TULP4: variants seen among roughly 807,000 people sequenced by gnomAD.
The protein encoded by TULP4 is TUB like protein 4, also known as tubby-related protein 4.
A neutral mutation model predicts 129.0 loss-of-function variants in TULP4; 16 were observed. That is an observed-to-expected ratio of 0.12 (90% confidence interval 0.08 to 0.19). The LOEUF (loss-of-function observed/expected upper bound fraction) is 0.19. TULP4 is among the 10% of genes least tolerant of loss of function. TULP4 has a pLI of 1.00. For missense variants in TULP4, 1,842 were observed against 2,059.1 expected (o/e 0.89, Z 2.04); for synonymous variants, 998 against 854.0 (o/e 1.17, Z -2.94).
chr6:158,233,632 A>G (rs2128439695), intron 1 of TULP4, among the ~76,000 whole-genome samples: 1 of 152,340 alleles, frequency 6.6e-6, no homozygotes. Flanking sequence ...GCCACACTGC[A>G]ATCCAGAGAG....
At chr6:158,350,661 G>A (rs2114797854) in intron 1 of TULP4, among the ~76,000 whole-genome samples, 1 of 152,332 alleles carries the variant, frequency 6.6e-6, no homozygotes, top group Admixed American at 6.5e-5. Context: ...AGGCAGGGAG[G>A]TTGCAGCGAG....
Position 158,423,125 on chromosome 6 carries a change from G to C in TULP4, c.382-6611G>C, listed in dbSNP as rs905416622. Among the ~76,000 whole-genome samples the C allele has an allele frequency of 1.5e-4, 15 of 102,936 alleles. 2 individuals are homozygous for C. Among genetic ancestry groups the C allele is most frequent in the South Asian group, 5.9e-4 (2 of 3,416 alleles). 67.5% of individuals were successfully genotyped at this position (102,936 alleles called of 152,430 possible). The stretch of plus-strand genomic sequence containing the variant: ...GACCCCTTCCTCCACAAAAAAGAGG[G>C]GGGGGGGGGGAAAGAAACCTTCCCA... On this transcript the variant is annotated intron_variant, in intron 2 of 13. Transcript: ENST00000367097.
At chr6:158,293,176 CATATAAAGTAAATAGGGA>C (rs1778974222) in intron 1 of TULP4, among the ~76,000 whole-genome samples, 1 of 152,158 alleles carries the variant, frequency 6.6e-6, no homozygotes, top group Non-Finnish European at 1.5e-5. Context: ...TGAAATCAGC[CATATAAAGTAAATAGGGA>C]GTAGCTTTCC....
chr6:158,232,784 C>T (rs1777622468), intron 1 of TULP4, among the ~76,000 whole-genome samples: 1 of 152,182 alleles, frequency 6.6e-6, no homozygotes, highest in Non-Finnish European at 1.5e-5. Flanking sequence ...GCCGCGCCGC[C>T]ACCTCCCCTG....
rs143881880 is a variant in TULP4 at position 158,459,221 on chromosome 6, G to A, written c.860-2342G>A. On this transcript the variant is annotated intron_variant, in intron 5 of 13. Transcript: ENST00000367097. ...CGAGGCGGGTGGATCACATGAGGTCGGGAAGTTGAGACCAGCCTGACCAAC... is the reference window on the plus strand; with the variant it reads ...CGAGGCGGGTGGATCACATGAGGTCAGGAAGTTGAGACCAGCCTGACCAAC... 1.1e-4 allele frequency among the ~76,000 whole-genome samples: 16 copies of A among 152,210 alleles called. No individual in the cohort carries two copies. The East Asian group carries it at 2.5e-3, about 24-fold the overall frequency.
intron 1 of TULP4, among the ~76,000 whole-genome samples, chr6:158,370,480 A>AT (rs1777047709): frequency 6.7e-6 from 1 of 150,080 alleles, no homozygotes; most frequent in Non-Finnish European, 1.5e-5. Flanking sequence ...AAAAAAAAAA[A>AT]AAAGATTGTG....
chr6:158,481,394 CTG>C (rs1331543160), intron 8 of TULP4, 105 bp downstream of exon 8: 1 of 1,028,392 alleles, frequency 9.7e-7, no homozygotes, highest in Non-Finnish European at 1.5e-6. Flanking sequence ...AAACGTGAGC[CTG>C]TGGGGGCTAG....
At chr6:158,341,691 G>C (rs992205525) in intron 1 of TULP4, among the ~76,000 whole-genome samples, 17 of 151,924 alleles carry the variant, frequency 1.1e-4, no homozygotes, top group African/African-American at 4.1e-4. Flanking sequence ...TCATATACCT[G>C]ATGGCCATTT....
chr6:158,426,028 T>C (rs1230673435), intron 2 of TULP4, among the ~76,000 whole-genome samples: 1 of 152,266 alleles, frequency 6.6e-6, no homozygotes, highest in Non-Finnish European at 1.5e-5. Flanking sequence ...GTATGACTTC[T>C]TTTGAAAAGT....
At chr6:158,297,428 C>T (rs1474088784) in intron 1 of TULP4, among the ~76,000 whole-genome samples, 2 of 152,162 alleles carry the variant, frequency 1.3e-5, no homozygotes, top group South Asian at 2.1e-4. Context: ...GCAATCATCA[C>T]AGGGTCCCGA....
At chr6:158,389,311 C>T (rs549691793) in intron 1 of TULP4, among the ~76,000 whole-genome samples, 1 of 152,088 alleles carries the variant, frequency 6.6e-6, no homozygotes, top group Non-Finnish European at 1.5e-5. Flanking sequence ...ATTAGCCAGG[C>T]ATGGTGGTAT....
In TULP4 at chr6:158,501,954, G is replaced by A; in HGVS notation, c.2291G>A (p.Gly764Asp). 6.2e-7 allele frequency: 1 copy of A among 1,613,934 alleles called. No individual in the cohort carries two copies. Among genetic ancestry groups the A allele is most frequent in the South Asian group, 1.1e-5 (1 of 91,072 alleles). Residue 764 changes from glycine to aspartate, a missense_variant, in exon 13 of 14, where the codon GGC becomes GAC. Coordinates refer to ENST00000367097, the MANE Select transcript of TULP4 (RefSeq NM_020245.5). ...GTGATTTTCGGAAGCGTGGAAATGG[G>A]CCGCATCATTCAGAACCCCCCTCCA... The part of the protein sequence containing the change: ...GQVIFGSVEM[G>D]RIIQNPPPLS...
chr6:158,459,344 C>T (rs1170556704), intron 5 of TULP4, among the ~76,000 whole-genome samples: 5 of 151,970 alleles, frequency 3.3e-5, no homozygotes, highest in Admixed American at 1.3e-4. Flanking sequence ...GCAGGAGAAT[C>T]GCTTGAACCC....
chr6:158,244,790 G>A (rs1777995467), intron 1 of TULP4, among the ~76,000 whole-genome samples: 1 of 152,030 alleles, frequency 6.6e-6, no homozygotes, highest in South Asian at 2.1e-4. Flanking sequence ...ACAGGAGTTT[G>A]AGACCAGCCT....
At chr6:158,443,026 C>T (rs1365993776) in intron 3 of TULP4, among the ~76,000 whole-genome samples, 1 of 151,770 alleles carries the variant, frequency 6.6e-6, no homozygotes, top group Non-Finnish European at 1.5e-5. Context: ...ACTCTGTCAC[C>T]AGACTGGAAT....
At chr6:158,252,967 T>C (rs1182061367) in intron 1 of TULP4, among the ~76,000 whole-genome samples, 1 of 152,240 alleles carries the variant, frequency 6.6e-6, no homozygotes, top group Non-Finnish European at 1.5e-5. Flanking sequence ...AAAATAATCT[T>C]AGGCATTGGT....
chr6:158,247,388 A>G (rs1778048842), intron 1 of TULP4, among the ~76,000 whole-genome samples: 1 of 152,216 alleles, frequency 6.6e-6, no homozygotes, highest in African/African-American at 2.4e-5. Flanking sequence ...TCAGCTATTG[A>G]TCCAGCTAGT....
intron 1 of TULP4, among the ~76,000 whole-genome samples, chr6:158,239,630 G>A (rs1473393612): frequency 1.5e-5 from 1 of 67,040 alleles, no homozygotes; most frequent in African/African-American, 5.0e-5. Context: ...CGGCTGGCCG[G>A]GTGGGGGGCT....
chr6:158,458,488 T>C (rs1366146334), intron 5 of TULP4, among the ~76,000 whole-genome samples: 3 of 152,168 alleles, frequency 2.0e-5, no homozygotes, highest in Non-Finnish European at 4.4e-5. Flanking sequence ...CCACGAGCTT[T>C]AGGAAAAGGG....
Sources: allele counts gnomAD v4.1 joint callset (sites outside exome capture counted in the v4.1 genomes callset), GRCh38; gene constraint gnomAD v4.1.1; transcripts MANE v1.5; gene names NCBI Gene and HGNC (gene_info 2026-07-23, HGNC 2026-07-21).